Variants in COLGALT2 observed in about 807,000 individuals in gnomAD.
The protein encoded by COLGALT2 is procollagen galactosyltransferase 2.
In COLGALT2, 49 loss-of-function variants were observed where a neutral mutation model predicts 73.4. The ratio of observed to expected loss-of-function variants is 0.67; its 90% confidence interval spans 0.53 to 0.85. COLGALT2 has a LOEUF of 0.85. COLGALT2 is among the 40% of genes least tolerant of loss of function. The probability of loss-of-function intolerance (pLI) is 0.00; values close to 1 mark genes in which losing one functional copy is unlikely to be tolerated. For synonymous variants in COLGALT2, 295 were observed against 307.6 expected (o/e 0.96, Z 0.43); for missense variants, 722 against 790.2 (o/e 0.91, Z 1.03).
At chr1:184,022,485 A>G (rs1319752267) in intron 1 of COLGALT2, among the ~76,000 whole-genome samples, 1 of 152,222 alleles carries the variant, frequency 6.6e-6, no homozygotes, top group East Asian at 1.9e-4. Flanking sequence ...GTAGGAGTGA[A>G]ATTTAAATAA....
At chr1:184,034,771 A>G (rs540621030) in intron 1 of COLGALT2, among the ~76,000 whole-genome samples, 47 of 152,234 alleles carry the variant, frequency 3.1e-4, no homozygotes, top group Admixed American at 6.5e-5. Context: ...GGAATTTATA[A>G]ATAAATGTAA....
At chr1:183,990,867 C>G (rs1671611717) in intron 1 of COLGALT2, among the ~76,000 whole-genome samples, 1 of 152,198 alleles carries the variant, frequency 6.6e-6, no homozygotes, top group Non-Finnish European at 1.5e-5. Flanking sequence ...AGAGGGGTGA[C>G]CCCCTTTCCT....
At chr1:184,021,199 T>C (rs1649172373) in intron 1 of COLGALT2, among the ~76,000 whole-genome samples, 1 of 152,176 alleles carries the variant, frequency 6.6e-6, no homozygotes, top group African/African-American at 2.4e-5. Flanking sequence ...AAACCTTGTA[T>C]TTTTATACAC....
intron 10 of COLGALT2, 97 bp from the exon 11 acceptor site, chr1:183,940,884 C>T: frequency 9.9e-7 from 1 of 1,013,654 alleles, no homozygotes; most frequent in Non-Finnish European, 1.5e-6. Flanking sequence ...CCTCTGAAAT[C>T]CTGGACTGAC....
intron 11 of COLGALT2, chr1:183,930,400 A>T (rs1240736218): frequency 4.9e-6 from 2 of 411,342 alleles, no homozygotes; most frequent in African/African-American, 4.2e-5. Context: ...TTTTTAATTT[A>T]ATTTTATTTT....
intron 1 of COLGALT2, among the ~76,000 whole-genome samples, chr1:184,000,404 A>T (rs1327309237): frequency 6.6e-6 from 1 of 152,006 alleles, no homozygotes; most frequent in East Asian, 1.9e-4. Flanking sequence ...AGATGTGTAT[A>T]TCTAACTTGA....
intron 6 of COLGALT2, among the ~76,000 whole-genome samples, chr1:183,958,557 A>G (rs1326316345): frequency 6.6e-6 from 1 of 151,942 alleles, no homozygotes; most frequent in Admixed American, 6.6e-5. Context: ...TGTCTAGCTC[A>G]TGACTGACTG....
intron 1 of COLGALT2, among the ~76,000 whole-genome samples, chr1:183,986,886 C>T (rs1216596045): frequency 6.6e-6 from 1 of 152,096 alleles, no homozygotes; most frequent in Non-Finnish European, 1.5e-5. Flanking sequence ...TAATCCATCC[C>T]TCAACACCCA....
intron 7 of COLGALT2, 58 bp from the exon 8 acceptor site, chr1:183,951,171 T>A: frequency 7.8e-7 from 1 of 1,281,340 alleles, no homozygotes; most frequent in Non-Finnish European, 1.1e-6. Flanking sequence ...TCTTTTAGGC[T>A]GTTTGAAAAG....
rs540420925 is a variant in COLGALT2 at position 183,949,206 on chromosome 1, G to A, written c.1136+1801C>T. On this transcript the variant is annotated intron_variant, in intron 8 of 11. Transcript: ENST00000361927. ...AATTCCTATCAAAATCCCAGCTGCC[G>A]TTTTCTTTATTTGTGGAACTTGACA... Among the ~76,000 whole-genome samples, 12 of 152,230 alleles carry A rather than the reference G, an allele frequency of 7.9e-5. No homozygotes were observed. The East Asian group carries it at 1.7e-3, about 22-fold the overall frequency.
chr1:183,933,949 G>A (rs1439019645), downstream of COLGALT2, among the ~76,000 whole-genome samples: 3 of 152,228 alleles, frequency 2.0e-5, no homozygotes. Context: ...ATGGGAGGAT[G>A]GATGGCTTTG....
chr1:183,943,511 A>AAAGGG (rs1287484162), intron 10 of COLGALT2, among the ~76,000 whole-genome samples: 3 of 152,108 alleles, frequency 2.0e-5, no homozygotes, highest in Non-Finnish European at 4.4e-5. Context: ...AGGAAAAATG[A>AAAGGG]AAGGGAAGGG....
chr1:184,004,983 T>C (rs1299383469), intron 1 of COLGALT2, among the ~76,000 whole-genome samples: 1 of 152,198 alleles, frequency 6.6e-6, no homozygotes, highest in Non-Finnish European at 1.5e-5. Flanking sequence ...TGTTTTATAC[T>C]CAAAGAAAGC....
chr1:183,992,801 A>G (rs544560181), intron 1 of COLGALT2, among the ~76,000 whole-genome samples: 1 of 152,056 alleles, frequency 6.6e-6, no homozygotes, highest in African/African-American at 2.4e-5. Context: ...GCCTTCCCCA[A>G]CCTCCCCAAA....
At chr1:183,965,978 G>A (rs1670859392) in intron 5 of COLGALT2, among the ~76,000 whole-genome samples, 2 of 152,214 alleles carry the variant, frequency 1.3e-5, no homozygotes, top group Admixed American at 6.5e-5. Flanking sequence ...ACAGTCTATA[G>A]TGGAGAGTCA....
At chr1:183,972,801 G>A (rs987673926) in intron 4 of COLGALT2, among the ~76,000 whole-genome samples, 2 of 151,778 alleles carry the variant, frequency 1.3e-5, no homozygotes, top group African/African-American at 4.8e-5. Context: ...CCAAGTTCAC[G>A]CCATTCTCCT....
intron 1 of COLGALT2, among the ~76,000 whole-genome samples, chr1:183,995,760 G>GT (rs1368667375): frequency 6.6e-6 from 1 of 151,086 alleles, no homozygotes; most frequent in African/African-American, 2.4e-5. Context: ...CTTAATACAT[G>GT]TAAGTTTATT....
chr1:183,955,516 G>A (rs1670528925), intron 6 of COLGALT2, among the ~76,000 whole-genome samples: 1 of 152,120 alleles, frequency 6.6e-6, no homozygotes, highest in African/African-American at 2.4e-5. Context: ...CATGTCTAAT[G>A]GGAAGATTCC....
intron 5 of COLGALT2, 79 bp downstream of exon 5, chr1:183,969,190 T>A (rs974204248): frequency 2.3e-6 from 3 of 1,277,514 alleles, no homozygotes; most frequent in Non-Finnish European, 3.2e-6. Flanking sequence ...TTTTTTTTTT[T>A]AATAAAATGC....
Sources: allele counts gnomAD v4.1 joint callset (sites outside exome capture counted in the v4.1 genomes callset), GRCh38; gene constraint gnomAD v4.1.1; transcripts MANE v1.5; gene names NCBI Gene and HGNC (gene_info 2026-07-23, HGNC 2026-07-21).